Variants in AFF3 observed in about 807,000 individuals in gnomAD.
The protein encoded by AFF3 is ALF transcription elongation factor 3, also known as AF4/FMR2 family member 3.
AFF3 carries 32 observed loss-of-function variants against 129.7 expected under a neutral mutation model. The ratio of observed to expected loss-of-function variants is 0.25; its 90% CI spans 0.19 to 0.33. The LOEUF is 0.33. Among genes scored for constraint, AFF3 ranks in the 10% least tolerant of loss-of-function variants. The pLI is 1.00. For synonymous variants in AFF3, 644 were observed against 635.4 expected, an observed-to-expected ratio of 1.01 and a Z score of -0.20; for missense variants, 1,373 against 1,592.0, an observed-to-expected ratio of 0.86 and a Z score of 2.34.
At chr2:100,061,117 T>G (rs1203383639) in intron 4 of AFF3, among the ~76,000 whole-genome samples, 2 of 152,202 alleles carry the variant, frequency 1.3e-5, no homozygotes, top group African/African-American at 2.4e-5. Context: ...ATAGTCGATG[T>G]GAACTGATCA....
At chr2:99,962,128 T>G (rs907059313) in intron 7 of AFF3, among the ~76,000 whole-genome samples, 1 of 152,142 alleles carries the variant, frequency 6.6e-6, no homozygotes, top group Non-Finnish European at 1.5e-5. Context: ...TTCCTTCTTA[T>G]AGGCTACATA....
chr2:100,122,356 A>G (rs1025663419), intron 2 of AFF3, among the ~76,000 whole-genome samples: 1 of 152,208 alleles, frequency 6.6e-6, no homozygotes, highest in African/African-American at 2.4e-5. Flanking sequence ...TTTATTTCAA[A>G]TTTATTTATT....
chr2:99,829,656 A>T (rs1688365556), intron 8 of AFF3, among the ~76,000 whole-genome samples: 1 of 152,252 alleles, frequency 6.6e-6, no homozygotes, highest in Non-Finnish European at 1.5e-5. Flanking sequence ...CTGTGGAGAA[A>T]GAGGAATGCT....
At chr2:99,684,484 A>G (rs1027321725) in intron 11 of AFF3, among the ~76,000 whole-genome samples, 1 of 152,232 alleles carries the variant, frequency 6.6e-6, no homozygotes, top group East Asian at 1.9e-4. Flanking sequence ...AAACATCATA[A>G]GCAGATCGTA....
chr2:99,712,505 A>T (rs1294078993), intron 11 of AFF3, among the ~76,000 whole-genome samples: 3 of 152,272 alleles, frequency 2.0e-5, no homozygotes, highest in Non-Finnish European at 4.4e-5. Context: ...CTTTGGCACA[A>T]AGCATCTCAG....
intron 3 of AFF3, chr2:100,105,155 C>G: frequency 7.1e-6 from 2 of 280,294 alleles, no homozygotes; most frequent in Non-Finnish European, 1.1e-5. Context: ...GCCGCCCGCC[C>G]GCGCCCGGCC....
At chr2:99,758,631 G>A (rs1181872742) in intron 8 of AFF3, among the ~76,000 whole-genome samples, 2 of 148,120 alleles carry the variant, frequency 1.4e-5, no homozygotes, top group African/African-American at 5.0e-5. Context: ...ACATCACAAT[G>A]ATGATGATGA....
At chr2:100,095,353 TA>T (rs900443059) in intron 4 of AFF3, among the ~76,000 whole-genome samples, 2 of 152,010 alleles carry the variant, frequency 1.3e-5, no homozygotes, top group Non-Finnish European at 2.9e-5. Flanking sequence ...CAGTGGAAAG[TA>T]ATGTTGCATA....
At chr2:100,007,697 G>C in intron 5 of AFF3, 1 of 515,350 alleles carries the variant, frequency 1.9e-6, no homozygotes, top group East Asian at 3.4e-5. Context: ...CCGGCCGGGC[G>C]CGGTGGCTGG....
intron 4 of AFF3, among the ~76,000 whole-genome samples, chr2:100,078,803 C>G (rs959342372): frequency 1.3e-5 from 2 of 152,162 alleles, no homozygotes; most frequent in African/African-American, 4.8e-5. Context: ...ATAATCTAAG[C>G]ACATGCTCCC....
At chr2:99,809,224 G>C (rs1271180809) in intron 8 of AFF3, among the ~76,000 whole-genome samples, 2 of 152,252 alleles carry the variant, frequency 1.3e-5, no homozygotes, top group Non-Finnish European at 2.9e-5. Flanking sequence ...TTGGACATGG[G>C]AGTGAAGGTT....
intron 4 of AFF3, among the ~76,000 whole-genome samples, chr2:100,084,386 G>C (rs2105371655): frequency 6.6e-6 from 1 of 152,256 alleles, no homozygotes; most frequent in East Asian, 1.9e-4. Context: ...ATTCACAATA[G>C]ACAAAATAGA....
intron 11 of AFF3, among the ~76,000 whole-genome samples, chr2:99,698,583 A>C (rs1416545884): frequency 6.6e-6 from 1 of 152,228 alleles, no homozygotes; most frequent in Non-Finnish European, 1.5e-5. Flanking sequence ...TCTGCCAATA[A>C]TTGCTATCCA....
At chr2:99,812,542 C>T (rs1322087457) in intron 8 of AFF3, among the ~76,000 whole-genome samples, 3 of 151,944 alleles carry the variant, frequency 2.0e-5, no homozygotes, top group African/African-American at 4.8e-5. Context: ...ATGACAGATA[C>T]GAAAAAACAT....
At chr2:99,725,541 G>T (rs1331927866) in intron 11 of AFF3, among the ~76,000 whole-genome samples, 1 of 151,670 alleles carries the variant, frequency 6.6e-6, no homozygotes, top group Non-Finnish European at 1.5e-5. Context: ...TTTTGGCCAG[G>T]CTGGTCTCAA....
intron 12 of AFF3, among the ~76,000 whole-genome samples, chr2:99,670,540 T>A (rs2104437549): frequency 1.3e-5 from 2 of 150,244 alleles, no homozygotes; most frequent in South Asian, 4.2e-4. Flanking sequence ...TGTGTCTGTG[T>A]GTGTGTGTGT....
intron 8 of AFF3, among the ~76,000 whole-genome samples, chr2:99,770,972 A>G (rs1683431306): frequency 6.6e-6 from 1 of 151,926 alleles, no homozygotes; most frequent in African/African-American, 2.4e-5. Flanking sequence ...TAGTGTAAGC[A>G]CTCCCTATTC....
chr2:99,947,633 T>TAGAC (rs1211365979), intron 7 of AFF3, among the ~76,000 whole-genome samples: 49 of 143,290 alleles, frequency 3.4e-4, no homozygotes, highest in African/African-American at 1.3e-3. Context: ...GATAGATAGA[T>TAGAC]AGATAGATAG....
chr2:99,750,418 CTTTT>C, intron 9 of AFF3, among the ~76,000 whole-genome samples: 1 of 129,102 alleles, frequency 7.7e-6, no homozygotes. Flanking sequence ...TTTTTCTTTT[CTTTT>C]TTTTTTTTTT....
Sources: allele counts gnomAD v4.1 joint callset (sites outside exome capture counted in the v4.1 genomes callset), GRCh38; gene constraint gnomAD v4.1.1; transcripts MANE v1.5; gene names NCBI Gene and HGNC (gene_info 2026-07-23, HGNC 2026-07-21).